Variants in SAMD12 observed in about 807,000 individuals in gnomAD.
SAMD12 encodes sterile alpha motif domain containing 12, also known as sterile alpha motif domain-containing protein 12.
Under a neutral mutation model 15.0 loss-of-function variants are expected in SAMD12, and 9 were observed. That is an observed-to-expected ratio of 0.60 (90% CI 0.36 to 1.05). The LOEUF is 1.05. Ranked by LOEUF, SAMD12 falls within the 50% of genes least tolerant of loss-of-function variation. The probability of loss-of-function intolerance (pLI) is 0.01; values close to 1 mark genes in which losing one functional copy is unlikely to be tolerated. For missense variants in SAMD12, 230 were observed against 234.2 expected (o/e 0.98, Z 0.12); for synonymous variants, 86 against 90.1 (o/e 0.96, Z 0.25).
intron 2 of SAMD12, among the ~76,000 whole-genome samples, chr8:118,552,873 C>T (rs1332767605): frequency 6.6e-6 from 1 of 151,690 alleles, no homozygotes. Flanking sequence ...CACAAGCATT[C>T]TTATACACCA....
At chr8:118,362,222 T>C (rs771567124) in intron 4 of SAMD12, among the ~76,000 whole-genome samples, 5 of 152,120 alleles carry the variant, frequency 3.3e-5, no homozygotes, top group African/African-American at 1.2e-4. Flanking sequence ...TTAGAGACCA[T>C]TTATTTATGC....
chr8:118,438,753 G>C (rs750951670), intron 3 of SAMD12, among the ~76,000 whole-genome samples: 5 of 152,176 alleles, frequency 3.3e-5, no homozygotes, highest in Admixed American at 1.3e-4. Flanking sequence ...ATGACAGAAA[G>C]TGTGGGTTTG....
intron 3 of SAMD12, among the ~76,000 whole-genome samples, chr8:118,391,881 T>G (rs141442517): frequency 1.5e-3 from 226 of 151,382 alleles, no homozygotes; most frequent in African/African-American, 5.3e-3. Flanking sequence ...AACAATAATG[T>G]GATAAAACTC....
chr8:118,458,331 C>T (rs191864937), intron 2 of SAMD12, among the ~76,000 whole-genome samples: 3 of 152,282 alleles, frequency 2.0e-5, no homozygotes, highest in African/African-American at 7.2e-5. Context: ...TCTTTGCATG[C>T]ACATTATTTT....
At chr8:118,533,894 C>T (rs879854182) in intron 2 of SAMD12, among the ~76,000 whole-genome samples, 3 of 152,060 alleles carry the variant, frequency 2.0e-5, no homozygotes, top group Non-Finnish European at 4.4e-5. Context: ...GACTCTTTAT[C>T]CAATTTGCCA....
chr8:118,591,487 C>T (rs1055956874), intron 1 of SAMD12, among the ~76,000 whole-genome samples: 2 of 152,134 alleles, frequency 1.3e-5, no homozygotes, highest in Non-Finnish European at 2.9e-5. Context: ...GTTCAATGAA[C>T]ATAAATCCTC....
the SAMD12 span, among the ~76,000 whole-genome samples, chr8:118,169,568 T>G: frequency 1.3e-5 from 2 of 152,210 alleles, no homozygotes; most frequent in African/African-American, 4.8e-5. Flanking sequence ...AAAATTGTTT[T>G]CCAGCCATGG....
rs578261492 is a variant in SAMD12, at chr8:118,369,726, A to G, written c.433+9834T>C. Among the ~76,000 whole-genome samples, 10 of 152,210 alleles carry G rather than the reference A, an allele frequency of 6.6e-5. No individual in the cohort carries two copies. The East Asian group carries it at 1.7e-3, about 26-fold the overall frequency. ...GTAAAACTCTGTCTCAAAAAAAATA[A>G]AATATAAAAAACCCACAAAAACAAA... On this transcript the variant is annotated intron_variant, in intron 4 of 4. Transcript: ENST00000409003.
chr8:118,267,159 A>G (rs1318509913), intron 4 of SAMD12, among the ~76,000 whole-genome samples: 1 of 152,126 alleles, frequency 6.6e-6, no homozygotes, highest in African/African-American at 2.4e-5. Flanking sequence ...ACCATAAAAC[A>G]TCATATAATG....
At chr8:118,140,428 T>C in the SAMD12 span, among the ~76,000 whole-genome samples, 1 of 152,054 alleles carries the variant, frequency 6.6e-6, no homozygotes, top group East Asian at 1.9e-4. Context: ...TATGCCACCA[T>C]GCCTAGCTAA....
At chr8:118,454,003 C>A (rs147320650) in intron 2 of SAMD12, among the ~76,000 whole-genome samples, 1 of 152,160 alleles carries the variant, frequency 6.6e-6, no homozygotes, top group South Asian at 2.1e-4. Flanking sequence ...GGGGCCATTA[C>A]ATATTTTCCT....
Position 118,406,890 on chromosome 8 carries a change from TTGTG to T in SAMD12, c.323-27194_323-27191del, listed in dbSNP as rs3052708. On this transcript the variant is annotated intron_variant, in intron 3 of 3. Coordinates refer to ENST00000314727, the MANE Select transcript of SAMD12 (RefSeq NM_207506.3). ...CATTTTAAAGCTTAACAATATTCCA[TTGTG>T]TGTGTGTGTGTGTGTGTGTGTGTGT... Among the ~76,000 whole-genome samples, 185 of 147,404 alleles carry T rather than the reference TTGTG, an allele frequency of 1.3e-3. No individual in the cohort carries two copies. The Middle Eastern group carries it at 0.045, about 36-fold the overall frequency.
chr8:118,277,455 C>T (rs1276219390), intron 4 of SAMD12, among the ~76,000 whole-genome samples: 1 of 152,024 alleles, frequency 6.6e-6, no homozygotes, highest in East Asian at 1.9e-4. Flanking sequence ...TGTTATTCAT[C>T]TTGCCAGAAA....
At chr8:118,615,489 A>G (rs1312577096) in intron 1 of SAMD12, among the ~76,000 whole-genome samples, 1 of 152,124 alleles carries the variant, frequency 6.6e-6, no homozygotes, top group African/African-American at 2.4e-5. Context: ...TTCCTTGTAC[A>G]TGGGTGCTAC....
intron 3 of SAMD12, among the ~76,000 whole-genome samples, chr8:118,427,839 A>G (rs117086127): frequency 2.0e-5 from 3 of 152,360 alleles, no homozygotes; most frequent in Non-Finnish European, 4.4e-5. Context: ...GATTAACTTC[A>G]TAAGAAACTT....
downstream of SAMD12, among the ~76,000 whole-genome samples, chr8:118,373,879 A>T (rs561683137): frequency 6.6e-6 from 1 of 152,300 alleles, no homozygotes; most frequent in East Asian, 1.9e-4. Flanking sequence ...TCCACACTAC[A>T]GCATGAGAAA....
At chr8:118,180,285 G>A in the SAMD12 span, among the ~76,000 whole-genome samples, 1 of 152,204 alleles carries the variant, frequency 6.6e-6, no homozygotes, top group Non-Finnish European at 1.5e-5. Flanking sequence ...ACTCACATTT[G>A]CTTCTGTGGC....
At chr8:118,559,207 C>G (rs942217276) in intron 2 of SAMD12, among the ~76,000 whole-genome samples, 2 of 152,080 alleles carry the variant, frequency 1.3e-5, no homozygotes, top group Middle Eastern at 6.3e-3. Context: ...CCAGGAAGAC[C>G]CTTTTTTCCC....
chr8:118,426,653 AC>A, intron 3 of SAMD12, among the ~76,000 whole-genome samples: 1 of 152,334 alleles, frequency 6.6e-6, no homozygotes, highest in Non-Finnish European at 1.5e-5. Context: ...AAATACTATC[AC>A]TAAATAAATT....
Sources: gnomAD v4.1 joint callset for allele counts (sites outside exome capture counted in the v4.1 genomes callset) on GRCh38, gnomAD v4.1.1 for gene constraint, MANE v1.5 for transcripts, NCBI Gene and HGNC (gene_info 2026-07-23, HGNC 2026-07-21) for gene names.